The following RYR3 variants were observed in gnomAD, a reference collection of about 807,000 sequenced individuals.
RYR3 encodes the protein ryanodine receptor 3.
In RYR3, 207 loss-of-function variants were observed where a neutral mutation model predicts 584.3. The ratio of observed to expected loss-of-function variants is 0.35; its 90% confidence interval spans 0.32 to 0.40. RYR3 has a LOEUF of 0.40. RYR3 is among the 10% of genes least tolerant of loss of function. RYR3 has a pLI of 1.00. For synonymous variants in RYR3, 2,416 were observed against 2,248.5 expected, an observed-to-expected ratio of 1.07 and a Z score of -2.11; for missense variants, 5,616 against 6,089.2, an observed-to-expected ratio of 0.92 and a Z score of 2.59.
intron 47 of RYR3, among the ~76,000 whole-genome samples, chr15:33,731,252 TG>T (rs2068919728): frequency 1.5e-5 from 2 of 133,948 alleles, no homozygotes; most frequent in South Asian, 5.6e-4. Flanking sequence ...ATGATTTTTT[TG>T]TGTGTTTTTT....
intron 1 of RYR3, among the ~76,000 whole-genome samples, chr15:33,399,563 G>A (rs1878302): frequency 1.3e-5 from 2 of 151,998 alleles, no homozygotes; most frequent in African/African-American, 4.8e-5. Flanking sequence ...ACTTGAACCC[G>A]AGAAGCGGAG....
At position 33,394,956 on chromosome 15, in the gene RYR3, A is replaced by AT. The variant is rs566664974; in HGVS notation, c.52-78463_52-78462insT. 2.9e-3 allele frequency among the ~76,000 whole-genome samples: 447 copies of AT among 152,230 alleles called. 3 individuals are homozygous for AT. The highest frequency in any genetic ancestry group is 6.4e-3 in the East Asian group (33 of 5,176). The stretch of plus-strand genomic sequence containing the variant: ...AGTTTTAAAAAATGCTGATGCAAAA[A>AT]AAAACACATACTGATACCCGGGTCC... On this transcript the variant is annotated intron_variant, in intron 1 of 103. Coordinates refer to ENST00000634891, the MANE Select transcript of RYR3 (RefSeq NM_001036.6).
chr15:33,865,179 C>T lies in RYR3; in HGVS notation c.14566C>T (p.Pro4856Ser). The change falls in exon 104 of 104, where the codon CCA (proline) becomes TCA (serine). Residue 4856 changes from proline (P) to serine (S), a missense_variant. Around this residue, in one of 9 missense-constraint regions of RYR3, gnomAD observed 918 missense variants for 887.4 expected, o/e 1.03. Coordinates refer to ENST00000634891, the MANE Select transcript of RYR3 (RefSeq NM_001036.6). ...CCAAGAAAGGTGTTGGGATTTCTTC[C>T]CAGCCGGTGACTGCTTTCGTAAACA... ...MYQERCWDFF[P>S]AGDCFRKQYE... 2 of 1,613,838 alleles carry T rather than the reference C, an allele frequency of 1.2e-6. No individual in the cohort carries two copies. Among genetic ancestry groups the T allele is most frequent in the Non-Finnish European group, 1.7e-6 (2 of 1,179,926 alleles).
intron 19 of RYR3, among the ~76,000 whole-genome samples, chr15:33,617,006 G>C (rs1296448015): frequency 6.6e-6 from 1 of 152,206 alleles, no homozygotes; most frequent in Non-Finnish European, 1.5e-5. Flanking sequence ...GGTAAAGTAT[G>C]ATTTGGTGCT....
chr15:33,761,534 C>T (rs1289812285), intron 60 of RYR3, among the ~76,000 whole-genome samples: 1 of 152,136 alleles, frequency 6.6e-6, no homozygotes, highest in African/African-American at 2.4e-5. Context: ...ACCACATACA[C>T]CCTCCCAAGA....
chr15:33,701,429 A>G (rs554806089), intron 42 of RYR3, among the ~76,000 whole-genome samples: 1 of 152,318 alleles, frequency 6.6e-6, no homozygotes, highest in African/African-American at 2.4e-5. Flanking sequence ...AGGAAGAGAC[A>G]TGGCAGAATA....
At chr15:33,696,573 G>T in intron 39 of RYR3, 82 bp downstream of exon 39, 1 of 1,375,672 alleles carries the variant, frequency 7.3e-7, no homozygotes, top group African/African-American at 1.4e-5. Context: ...GAGATATAGT[G>T]GAATCAAATC....
intron 1 of RYR3, among the ~76,000 whole-genome samples, chr15:33,382,967 T>A (rs2041312011): frequency 6.6e-6 from 1 of 152,172 alleles, no homozygotes; most frequent in East Asian, 1.9e-4. Context: ...AGTTAAAAAA[T>A]GAACAAATTC....
At chr15:33,670,288 ATCTT>A in intron 37 of RYR3, 127 bp from the exon 38 acceptor site, 1 of 895,648 alleles carries the variant, frequency 1.1e-6, no homozygotes, top group Non-Finnish European at 1.8e-6. Flanking sequence ...CGAGAATAGT[ATCTT>A]TAGAAAGCCT....
chr15:33,636,754 A>G (rs531160153), intron 27 of RYR3, among the ~76,000 whole-genome samples: 2 of 152,228 alleles, frequency 1.3e-5, no homozygotes, highest in Non-Finnish European at 2.9e-5. Context: ...TGCAGCATAC[A>G]TACACATTCT....
chr15:33,376,002 T>C (rs1595892945), intron 1 of RYR3, among the ~76,000 whole-genome samples: 2 of 152,250 alleles, frequency 1.3e-5, no homozygotes, highest in South Asian at 4.2e-4. Flanking sequence ...AGGCGGAGCT[T>C]ACAGTGAGCC....
At chr15:33,746,488 G>A (rs1328353569) in intron 53 of RYR3, among the ~76,000 whole-genome samples, 2 of 152,266 alleles carry the variant, frequency 1.3e-5, no homozygotes, top group East Asian at 1.9e-4. Context: ...GAGAAGGCAC[G>A]GTGAAATTGC....
intron 1 of RYR3, among the ~76,000 whole-genome samples, chr15:33,406,611 A>C (rs1460386826): frequency 6.6e-6 from 1 of 152,204 alleles, no homozygotes; most frequent in Non-Finnish European, 1.5e-5. Context: ...CAAATCCTCA[A>C]ATAGTACAGC....
intron 31 of RYR3, 125 bp from the exon 32 acceptor site, chr15:33,652,592 TG>T: frequency 1.1e-6 from 1 of 942,490 alleles, no homozygotes; most frequent in Non-Finnish European, 1.6e-6. Flanking sequence ...AAAAAGTATT[TG>T]GGGCTGAACA....
intron 16 of RYR3, among the ~76,000 whole-genome samples, chr15:33,597,855 T>C (rs965631143): frequency 2.0e-5 from 3 of 151,784 alleles, no homozygotes; most frequent in Non-Finnish European, 4.4e-5. Context: ...TAAAAACTTA[T>C]GAGGCGTGCC....
intron 3 of RYR3, among the ~76,000 whole-genome samples, chr15:33,508,885 C>T (rs1454152830): frequency 6.6e-6 from 1 of 152,170 alleles, no homozygotes; most frequent in African/African-American, 2.4e-5. Flanking sequence ...TGGTGTGGCA[C>T]ATTTGTCATA....
chr15:33,836,655 A>G (rs1436591698), intron 87 of RYR3, among the ~76,000 whole-genome samples: 1 of 152,186 alleles, frequency 6.6e-6, no homozygotes, highest in Admixed American at 6.5e-5. Flanking sequence ...AACACTTGGT[A>G]TATCTGCCAC....
chr15:33,407,119 G>T (rs981793154), intron 1 of RYR3, among the ~76,000 whole-genome samples: 3 of 152,110 alleles, frequency 2.0e-5, no homozygotes, highest in Non-Finnish European at 2.9e-5. Flanking sequence ...GGTCAAGAGG[G>T]GTCTAAGCTA....
rs752647194 is a variant in RYR3 at position 33,724,146 on chromosome 15, T to C, written c.6882T>C (p.Asp2294=). The change falls in exon 45 of 104, where the codon GAT becomes GAC. Residue 2294 remains aspartate, a synonymous_variant. Transcript: ENST00000634891. ...AIMSFYSALI[D]LLGRCAPEMH... ...TGTCATTTTATTCGGCCCTTATAGA[T>C]CTACTGGGCCGCTGTGCTCCTGAAA... The C allele has an allele frequency of 6.2e-7, 1 of 1,609,950 alleles. No homozygotes were observed. The highest frequency in any genetic ancestry group is 1.1e-5 in the South Asian group (1 of 90,734).
Sources: gnomAD v4.1 joint callset for allele counts (sites outside exome capture counted in the v4.1 genomes callset) on GRCh38, gnomAD v4.1.1 for gene constraint, gnomAD v4.1.1 regional missense constraint, MANE v1.5 for transcripts, NCBI Gene and HGNC (gene_info 2026-07-23, HGNC 2026-07-21) for gene names.